Variants in CREB3L2 observed in about 807,000 individuals in gnomAD.
CREB3L2 encodes the protein cAMP responsive element binding protein 3 like 2.
A neutral mutation model predicts 57.2 loss-of-function variants in CREB3L2; 23 were observed. The ratio of observed to expected loss-of-function variants is 0.40; its 90% CI spans 0.29 to 0.57. CREB3L2 has a LOEUF of 0.57. Ranked by LOEUF, CREB3L2 falls within the 20% of genes least tolerant of loss-of-function variation. The pLI, the probability that CREB3L2 is intolerant of heterozygous loss-of-function variation, is 0.42. For synonymous variants in CREB3L2, 268 were observed against 265.1 expected (o/e 1.01, Z -0.11); for missense variants, 628 against 634.7 (o/e 0.99, Z 0.11).
chr7:137,922,388 A>ATATATATATATATATATATATG (rs1800313632), intron 2 of CREB3L2, among the ~76,000 whole-genome samples: 1 of 19,416 alleles, frequency 5.2e-5, no homozygotes, highest in East Asian at 8.1e-3. Flanking sequence ...ATATATGTAT[A>ATATATATATATATATATATATG]TATATATATA....
At chr7:137,888,539 T>C (rs1354492350) in intron 8 of CREB3L2, among the ~76,000 whole-genome samples, 1 of 152,104 alleles carries the variant, frequency 6.6e-6, no homozygotes, top group African/African-American at 2.4e-5. Flanking sequence ...AAGCATATAT[T>C]TGACTCTCTA....
intron 1 of CREB3L2, among the ~76,000 whole-genome samples, chr7:137,970,102 T>C (rs1235424099): frequency 6.6e-6 from 1 of 152,156 alleles, no homozygotes; most frequent in Non-Finnish European, 1.5e-5. Flanking sequence ...TGGAATACCA[T>C]CTAAAGAGCA....
chr7:137,977,849 A>G (rs1801635368), intron 1 of CREB3L2, among the ~76,000 whole-genome samples: 1 of 151,102 alleles, frequency 6.6e-6, no homozygotes, highest in South Asian at 2.1e-4. Flanking sequence ...TGAACCTGGG[A>G]GGTGGAGGTT....
chr7:137,885,551 G>GC, intron 8 of CREB3L2, 49 bp from the exon 9 acceptor site: 1 of 1,443,886 alleles, frequency 6.9e-7, no homozygotes, highest in Non-Finnish European at 9.7e-7. Context: ...GAGAAGAGAT[G>GC]CTTTTTGATC....
rs1026056856 is a variant in CREB3L2 at position 137,876,818 on chromosome 7, A to C, written c.*3658T>G. 1.3e-5 allele frequency: 3 copies of C among 231,878 alleles called. No homozygotes were observed. The highest frequency in any genetic ancestry group is 5.6e-5 in the Admixed American group (1 of 17,744). 14.4% of individuals were successfully genotyped at this position (231,878 alleles called of 1,614,324 possible). On this transcript the variant is annotated 3_prime_UTR_variant, in exon 12 of 12. Transcript: ENST00000330387. ...AACTGTAGTGACTTGGGGCAGAGGA[A>C]GGGGAGGATGAAGGTCTTCTAGTGC...
chr7:137,884,537 C>G, intron 10 of CREB3L2: 1 of 238,584 alleles, frequency 4.2e-6, no homozygotes, highest in South Asian at 6.6e-5. Context: ...CGTGAGCCAC[C>G]ACGCCCGGCC....
intron 2 of CREB3L2, among the ~76,000 whole-genome samples, chr7:137,926,407 A>G (rs2117236948): frequency 6.6e-6 from 1 of 152,360 alleles, no homozygotes; most frequent in East Asian, 1.9e-4. Flanking sequence ...AGCCATAAAA[A>G]AGAATGAGTG....
chr7:137,943,283 C>G (rs926594292), intron 1 of CREB3L2, among the ~76,000 whole-genome samples: 2 of 152,128 alleles, frequency 1.3e-5, no homozygotes, highest in Non-Finnish European at 2.9e-5. Context: ...AAATCTTAAG[C>G]CTGAGTCAAT....
intron 1 of CREB3L2, among the ~76,000 whole-genome samples, chr7:137,985,307 C>T (rs1391438088): frequency 2.0e-5 from 3 of 152,198 alleles, no homozygotes; most frequent in Non-Finnish European, 4.4e-5. Flanking sequence ...TCTCGCTCAA[C>T]AATATGTACA....
At position 137,945,119 on chromosome 7, in the gene CREB3L2, T is replaced by A. The variant is rs148328207; in HGVS notation, c.103-16753A>T. Among the ~76,000 whole-genome samples the A allele has an allele frequency of 9.2e-5, 14 of 152,326 alleles. No homozygotes were observed. In the East Asian group the frequency reaches 2.5e-3, roughly 27 times the overall value. ...CATGTTGGCCAGGCTGGTCTCCAGC[T>A]TCTGACCTCAGGTAATCTGCCCGCC... On this transcript the variant is annotated intron_variant, in intron 1 of 11. Coordinates refer to ENST00000330387, the MANE Select transcript of CREB3L2 (RefSeq NM_194071.4).
At chr7:137,987,904 C>T (rs1801819271) in intron 1 of CREB3L2, among the ~76,000 whole-genome samples, 1 of 152,188 alleles carries the variant, frequency 6.6e-6, no homozygotes, top group Admixed American at 6.5e-5. Context: ...AAGACATTTT[C>T]TTACTGACAT....
At chr7:137,908,171 G>A (rs1214099313) in intron 5 of CREB3L2, 81 bp downstream of exon 5, 2 of 997,580 alleles carry the variant, frequency 2.0e-6, no homozygotes, top group African/African-American at 3.4e-5. Context: ...ACAGCCTTGA[G>A]TGGTCCTGCT....
intron 8 of CREB3L2, among the ~76,000 whole-genome samples, chr7:137,892,429 T>C (rs1428473328): frequency 2.6e-5 from 4 of 151,012 alleles, no homozygotes; most frequent in African/African-American, 9.8e-5. Context: ...GGTGAGCGGA[T>C]CACTTGAGGT....
chr7:137,891,383 T>C (rs1311215799), intron 8 of CREB3L2, among the ~76,000 whole-genome samples: 1 of 152,244 alleles, frequency 6.6e-6, no homozygotes, highest in Non-Finnish European at 1.5e-5. Flanking sequence ...TTAATTTTGC[T>C]TTTTGTGTGT....
chr7:137,939,723 C>T (rs972447316), intron 1 of CREB3L2, among the ~76,000 whole-genome samples: 3 of 152,216 alleles, frequency 2.0e-5, no homozygotes, highest in Non-Finnish European at 2.9e-5. Context: ...GCCACAGAGA[C>T]TGGGATGCTG....
intron 8 of CREB3L2, among the ~76,000 whole-genome samples, chr7:137,894,821 A>C (rs573909866): frequency 6.6e-6 from 1 of 152,220 alleles, no homozygotes; most frequent in South Asian, 2.1e-4. Context: ...TGCTGGGGCA[A>C]GGTCCTTGAA....
intron 6 of CREB3L2, among the ~76,000 whole-genome samples, chr7:137,905,392 TAA>T (rs35597981): frequency 0.13 from 17,241 of 137,480 alleles, 2,935 homozygotes; most frequent in African/African-American, 0.38. Context: ...AAGGCTGAGT[TAA>T]AAAAAAAAAA....
At chr7:137,926,871 G>A (rs1035383565) in intron 2 of CREB3L2, among the ~76,000 whole-genome samples, 7 of 152,142 alleles carry the variant, frequency 4.6e-5, no homozygotes, top group Non-Finnish European at 1.0e-4. Flanking sequence ...ATTTAAACCT[G>A]GGCATGGTGG....
Position 137,902,214 on chromosome 7 carries a change from A to G in CREB3L2, c.975-792T>C, listed in dbSNP as rs561432274. On this transcript the variant is annotated intron_variant, in intron 7 of 11. Coordinates refer to ENST00000330387, the MANE Select transcript of CREB3L2 (RefSeq NM_194071.4). ...GTCTCCAAAAAAAAAAAAAAAAAAG[A>G]GGGAGCTGAGTGATGAGTGCCTGAA... Among the ~76,000 whole-genome samples the G allele has an allele frequency of 2.1e-4, 32 of 149,284 alleles. No homozygotes were observed. The South Asian group carries it at 5.9e-3, about 28-fold the overall frequency.
Sources: gnomAD v4.1 joint callset for allele counts (sites outside exome capture counted in the v4.1 genomes callset) on GRCh38, gnomAD v4.1.1 for gene constraint, MANE v1.5 for transcripts, NCBI Gene and HGNC (gene_info 2026-07-23, HGNC 2026-07-21) for gene names.